The following RASAL1 variants were observed in gnomAD, a reference collection of about 807,000 sequenced individuals.
The protein encoded by RASAL1 is rasGAP-activating-like protein 1.
A neutral mutation model predicts 96.6 loss-of-function variants in RASAL1; 72 were observed. That is an observed-to-expected ratio of 0.75 (90% CI 0.62 to 0.91). RASAL1 has a LOEUF of 0.91. Among genes scored for constraint, RASAL1 ranks in the 40% least tolerant of loss-of-function variants. RASAL1 has a pLI of 0.00. For synonymous variants in RASAL1, 405 were observed against 430.4 expected (o/e 0.94, Z 0.73); for missense variants, 1,016 against 1,072.5 (o/e 0.95, Z 0.74).
In RASAL1 at chr12:113,105,844, A is replaced by G. The variant is rs1480161678; in HGVS notation, c.1700T>C (p.Ile567Thr). 3 of 1,614,038 alleles carry G rather than the reference A, an allele frequency of 1.9e-6. No individual in the cohort carries two copies. Among genetic ancestry groups the G allele is most frequent in the East Asian group, 2.2e-5 (1 of 44,888 alleles). Residue 567 changes from isoleucine (I) to threonine (T), a missense_variant, in exon 16 of 21, where the codon ATT (isoleucine) becomes ACT (threonine). Physicochemically the swap from Ile to Thr is moderately conservative, Grantham distance 89 (BLOSUM62 -1). Coordinates refer to ENST00000548055, the MANE Select transcript of RASAL1 (RefSeq NM_001301202.2). ...PARALFPPSA[I>T]VREGYLLKRK... The stretch of plus-strand genomic sequence containing the variant: ...CTTCAGCAGATAGCCTTCTCGAACA[A>G]TGGCCGAGGGCGGGAACAGGGCCCT...
chr12:113,108,829 T>C lies in RASAL1; in HGVS notation c.1375-607A>G, dbSNP rs541987257. ...CAGGATTTGATTATTTTTCTTTTTTTTTTCTTTCTTTTTTTTTTTTTTTGA... is the reference window on the plus strand; with the variant it reads ...CAGGATTTGATTATTTTTCTTTTTTCTTTCTTTCTTTTTTTTTTTTTTTGA... On this transcript the variant is annotated intron_variant, in intron 13 of 20. Transcript: ENST00000548055. Among the ~76,000 whole-genome samples, 27 of 120,204 alleles carry C rather than the reference T, an allele frequency of 2.2e-4. No homozygotes were observed. The East Asian group carries it at 5.1e-3, about 23-fold the overall frequency. The allele number at this position is 120,204 out of a possible 152,430, so 78.9% of individuals were successfully genotyped here.
intron 4 of RASAL1, among the ~76,000 whole-genome samples, chr12:113,126,794 A>C (rs1413760522): frequency 6.6e-6 from 1 of 151,822 alleles, no homozygotes; most frequent in East Asian, 1.9e-4. Flanking sequence ...TAATAATGTG[A>C]TCTTGAGCAA....
In RASAL1 at chr12:113,119,282, G is replaced by C. The variant is rs773926403; in HGVS notation, c.511-23C>G. On this transcript the variant is annotated intron_variant, in intron 6 of 20. Transcript: ENST00000548055. ...GGTCTGAGGGCGAAGGAAGTGGTCTGTGAGTGGGAGAGCTGATGGGGACTC... is the reference window on the plus strand; with the variant it reads ...GGTCTGAGGGCGAAGGAAGTGGTCTCTGAGTGGGAGAGCTGATGGGGACTC... 8.1e-6 allele frequency: 13 copies of C among 1,611,466 alleles called. No homozygotes were observed. The Admixed American group carries it at 2.2e-4, about 27-fold the overall frequency.
At chr12:113,136,316 G>C (rs1335076224), upstream of RASAL1, 1 of 152,292 alleles carries the variant, frequency 6.6e-6, no homozygotes, top group Non-Finnish European at 1.5e-5. Context: ...GGAGGGGAAG[G>C]CTTGAAGATA....
In RASAL1 at chr12:113,105,728, T is replaced by C; in HGVS notation, c.1816A>G (p.Ser606Gly). 6.2e-7 allele frequency: 1 copy of C among 1,610,178 alleles called. No individual in the cohort carries two copies. The highest frequency in any genetic ancestry group is 8.5e-7 in the Non-Finnish European group (1 of 1,177,432). The part of the protein sequence containing the change: ...LSGETLSFSK[S>G]PEWQMCHSIP... Reference sequence around the variant, plus strand: ...TGGAACCCCACCTGCCACTCAGGACTCTTGGAGAAGGAGAGGGTCTCCCCG... The same window carrying C: ...TGGAACCCCACCTGCCACTCAGGACCCTTGGAGAAGGAGAGGGTCTCCCCG... The change falls in exon 16 of 21, where the codon AGT (serine) becomes GGT (glycine). Residue 606 changes from serine (S) to glycine (G), a missense_variant. By Grantham distance (56) the Ser-to-Gly change is moderately conservative (BLOSUM62 0). Transcript: ENST00000548055.
chr12:113,128,245 G>GAC (rs4007310), intron 2 of RASAL1, 67 bp from the exon 3 acceptor site: 90,218 of 561,964 alleles, frequency 0.16, 2,754 homozygotes, highest in Non-Finnish European at 0.17. Flanking sequence ...TGGAGACCCA[G>GAC]ACACACACAC....
In RASAL1 at chr12:113,108,822, CT is replaced by C. The variant is rs987785995; in HGVS notation, c.1375-601del. Among the ~76,000 whole-genome samples, 584 of 137,710 alleles carry C rather than the reference CT, an allele frequency of 4.2e-3. 6 individuals carry two copies. Among genetic ancestry groups the C allele is most frequent in the African/African-American group, 0.015 (544 of 37,196 alleles). 90.3% of individuals were successfully genotyped at this position (137,710 alleles called of 152,430 possible). On this transcript the variant is annotated intron_variant, in intron 13 of 20. Coordinates refer to ENST00000548055, the MANE Select transcript of RASAL1 (RefSeq NM_001301202.2). ...ACTTAGGCAGGATTTGATTATTTTTCTTTTTTTTTTCTTTCTTTTTTTTTTT... is the reference window on the plus strand; with the variant it reads ...ACTTAGGCAGGATTTGATTATTTTTCTTTTTTTTTCTTTCTTTTTTTTTTT...
At chr12:113,114,983 G>T in intron 11 of RASAL1, 71 bp from the exon 12 acceptor site, 2 of 1,272,266 alleles carry the variant, frequency 1.6e-6, no homozygotes, top group South Asian at 1.2e-5. Context: ...GCTGGGCGCA[G>T]GGGGGACCAT....
At chr12:113,105,690 C>G in intron 16 of RASAL1, 24 bp downstream of exon 16, 1 of 1,580,784 alleles carries the variant, frequency 6.3e-7, no homozygotes. Context: ...CTGGAAAGCC[C>G]TCCATAGTGG....
At position 113,117,055 on chromosome 12, in the gene RASAL1, C is replaced by A. The variant is rs1340673430; in HGVS notation, c.731+18G>T. On this transcript the variant is annotated intron_variant, in intron 8 of 20. Coordinates refer to ENST00000548055, the MANE Select transcript of RASAL1 (RefSeq NM_001301202.2). ...GCATGGCTCCAGCCTGGCCCCCTCC[C>A]TCTGCACCCACATTTACCCAGAATC... 5.7e-6 allele frequency: 9 copies of A among 1,565,434 alleles called. No individual in the cohort carries two copies. The Admixed American group carries it at 8.7e-5, about 15-fold the overall frequency.
At chr12:113,108,047 C>T (rs1378547048) in intron 14 of RASAL1, 38 bp downstream of exon 14, 2 of 1,575,440 alleles carry the variant, frequency 1.3e-6, no homozygotes, top group South Asian at 1.2e-5. Context: ...TTTTCCCTGG[C>T]TAAAGTACCT....
chr12:113,111,214 G>T (rs1950856139), intron 13 of RASAL1, among the ~76,000 whole-genome samples: 3 of 152,160 alleles, frequency 2.0e-5, no homozygotes, highest in Admixed American at 2.0e-4. Flanking sequence ...CTTTATTCTG[G>T]GTGTTTCTGA....
Position 113,100,637 on chromosome 12 carries a change from C to A in RASAL1, c.2269G>T (p.Ala757Ser). The part of the protein sequence containing the change: ...EDSNMDTTLE[A>S]DTGACPEVLA... Reference sequence around the variant, plus strand: ...GTACAGGAGCCCTTACCTGTGTCTGCCTCCAGAGTTGTATCCATGTTAGAA... The same window carrying A: ...GTACAGGAGCCCTTACCTGTGTCTGACTCCAGAGTTGTATCCATGTTAGAA... The change falls in exon 20 of 21, where the codon GCA (alanine) becomes TCA (serine). Residue 757 changes from alanine to serine, a missense_variant. Physicochemically the swap from Ala to Ser is moderately conservative, Grantham distance 99 (BLOSUM62 1). Coordinates refer to ENST00000548055, the MANE Select transcript of RASAL1 (RefSeq NM_001301202.2). 1 of 1,609,810 alleles carries A rather than the reference C, an allele frequency of 6.2e-7. No homozygotes were observed. Among genetic ancestry groups the A allele is most frequent in the Non-Finnish European group, 8.5e-7 (1 of 1,176,676 alleles).
intron 13 of RASAL1, among the ~76,000 whole-genome samples, chr12:113,111,817 C>T (rs1251724733): frequency 6.6e-6 from 1 of 152,204 alleles, no homozygotes; most frequent in East Asian, 1.9e-4. Context: ...TGGTCTCGAA[C>T]TCCTCACTTC....
intron 5 of RASAL1, among the ~76,000 whole-genome samples, chr12:113,120,887 A>G (rs1488160318): frequency 6.6e-6 from 1 of 152,146 alleles, no homozygotes; most frequent in Non-Finnish European, 1.5e-5. Context: ...CTCAGGCCTG[A>G]TCCATTATTC....
chr12:113,119,842 C>T (rs922708563), intron 5 of RASAL1, among the ~76,000 whole-genome samples: 1 of 152,184 alleles, frequency 6.6e-6, no homozygotes, highest in Non-Finnish European at 1.5e-5. Flanking sequence ...GGGAAAGTCA[C>T]TTCCCCTCTC....
At chr12:113,110,203 C>G (rs989180651) in intron 13 of RASAL1, among the ~76,000 whole-genome samples, 9 of 152,162 alleles carry the variant, frequency 5.9e-5, no homozygotes, top group Admixed American at 5.9e-4. Flanking sequence ...TACTCCTCAG[C>G]TGGGGAGGAG....
chr12:113,113,728 A>G (rs1161546716), intron 12 of RASAL1, among the ~76,000 whole-genome samples: 1 of 152,206 alleles, frequency 6.6e-6, no homozygotes, highest in Non-Finnish European at 1.5e-5. Flanking sequence ...CACGGTCCCC[A>G]GTGGATACCC....
In RASAL1 at chr12:113,115,150, G is replaced by T. The variant is rs1258310141; in HGVS notation, c.1068+50C>A. 1 of 1,533,432 alleles carries T rather than the reference G, an allele frequency of 6.5e-7. No individual in the cohort carries two copies. Among genetic ancestry groups the T allele is most frequent in the Non-Finnish European group, 9.0e-7 (1 of 1,107,690 alleles). 95.0% of individuals were successfully genotyped at this position (1,533,432 alleles called of 1,614,324 possible). On this transcript the variant is annotated intron_variant, in intron 11 of 20. Transcript: ENST00000548055. This position sits in a 1 kb window ranked among gnomAD's most constrained non-coding sequence, Gnocchi z 4.1. Reference sequence around the variant, plus strand: ...AGGGAGCCAGGTAGGCACTGGGAAGGAGGTACCCGAGGAAGCTGCGCCTGG... The same window carrying T: ...AGGGAGCCAGGTAGGCACTGGGAAGTAGGTACCCGAGGAAGCTGCGCCTGG...
Sources: allele counts gnomAD v4.1 joint callset (sites outside exome capture counted in the v4.1 genomes callset), GRCh38; gene constraint gnomAD v4.1.1; non-coding constraint Gnocchi (gnomAD v3.1); transcripts MANE v1.5; gene names NCBI Gene and HGNC (gene_info 2026-07-23, HGNC 2026-07-21).